EPM2A: variants seen among roughly 807,000 people sequenced by gnomAD.
EPM2A encodes EPM2A glucan phosphatase, laforin.
Under a neutral mutation model 26.5 loss-of-function variants are expected in EPM2A, and 21 were observed. That is an observed-to-expected ratio of 0.79 (90% CI 0.56 to 1.14). EPM2A has a LOEUF of 1.14. EPM2A is among the 50% of genes most tolerant of loss of function. The probability of loss-of-function intolerance (pLI) is 0.00; values close to 1 mark genes in which losing one functional copy is unlikely to be tolerated. For missense variants in EPM2A, 458 were observed against 440.8 expected, an observed-to-expected ratio of 1.04 and a Z score of -0.35; for synonymous variants, 217 against 177.6, an observed-to-expected ratio of 1.22 and a Z score of -1.76.
intron 1 of EPM2A, among the ~76,000 whole-genome samples, chr6:145,707,620 CTT>C (rs1782295934): frequency 6.6e-6 from 1 of 152,148 alleles, no homozygotes; most frequent in African/African-American, 2.4e-5. Context: ...TACATGTTCT[CTT>C]GTCTGCTGTC....
At chr6:145,396,826 G>C (rs887215947) in intron 4 of EPM2A, among the ~76,000 whole-genome samples, 15 of 152,180 alleles carry the variant, frequency 9.9e-5, no homozygotes, top group Admixed American at 6.5e-5. Flanking sequence ...ACAAGTCACA[G>C]CTATGGTGGT....
rs1282776551 is a variant in EPM2A at position 145,636,694 on chromosome 6, C to G, written c.477-1208G>C. On this transcript the variant is annotated intron_variant, in intron 2 of 3. Coordinates refer to ENST00000367519, the MANE Select transcript of EPM2A (RefSeq NM_005670.4). ...AGTCTGGCACTTTGGATGGCTGAGGCGGGGATTGCTTGAGGCCAGAAGTTC... is the reference window on the plus strand; with the variant it reads ...AGTCTGGCACTTTGGATGGCTGAGGGGGGGATTGCTTGAGGCCAGAAGTTC... 4 of 151,928 alleles carry G rather than the reference C, an allele frequency of 2.6e-5. No homozygotes were observed. In the South Asian group the frequency reaches 8.3e-4, roughly 32 times the overall value. 9.4% of individuals were successfully genotyped at this position (151,928 alleles called of 1,614,324 possible).
intron 2 of EPM2A, among the ~76,000 whole-genome samples, chr6:145,538,717 T>G (rs370112): frequency 0.35 from 53,546 of 152,210 alleles, 10,020 homozygotes; most frequent in South Asian, 0.51. Context: ...AAAATTGTTT[T>G]TATGCTAAGA....
At chr6:145,636,916 C>G (rs1260411051) in intron 2 of EPM2A, 1 of 146,024 alleles carries the variant, frequency 6.8e-6, no homozygotes, top group Non-Finnish European at 1.5e-5. Flanking sequence ...GGGGCAAGAA[C>G]CTGTCTGAAA....
At chr6:145,418,948 G>T (rs1778744629) in intron 4 of EPM2A, among the ~76,000 whole-genome samples, 1 of 152,116 alleles carries the variant, frequency 6.6e-6, no homozygotes, top group Admixed American at 6.6e-5. Flanking sequence ...GAAAATCAAA[G>T]AAGTCTAACT....
chr6:145,496,310 T>C (rs761619306), intron 4 of EPM2A, among the ~76,000 whole-genome samples: 100 of 152,204 alleles, frequency 6.6e-4, no homozygotes, highest in Non-Finnish European at 1.2e-3. Context: ...AGTATCTTAC[T>C]GGGAATTTCC....
At chr6:145,656,435 C>T (rs527914565) in intron 2 of EPM2A, among the ~76,000 whole-genome samples, 2 of 152,192 alleles carry the variant, frequency 1.3e-5, no homozygotes, top group Non-Finnish European at 2.9e-5. Context: ...AGCACCTAGA[C>T]CCTAGTGGGC....
At chr6:145,439,560 C>T (rs9403702) in intron 4 of EPM2A, among the ~76,000 whole-genome samples, 98,320 of 152,094 alleles carry the variant, frequency 0.65, 33,513 homozygotes, top group East Asian at 0.86. Context: ...ATTTCTTTAA[C>T]GATCAGTGAT....
intron 2 of EPM2A, chr6:145,636,745 A>G (rs1422685073): frequency 1.3e-5 from 2 of 151,872 alleles, no homozygotes; most frequent in Non-Finnish European, 2.9e-5. Flanking sequence ...AACATGGCAG[A>G]AACCTCGTCT....
At chr6:145,471,391 C>A (rs1418115831) in intron 4 of EPM2A, among the ~76,000 whole-genome samples, 1 of 151,930 alleles carries the variant, frequency 6.6e-6, no homozygotes, top group Non-Finnish European at 1.5e-5. Flanking sequence ...CTGCATCCCT[C>A]ACAAGGACAC....
At chr6:145,491,232 AG>A (rs1252153987) in intron 4 of EPM2A, 1 of 394,496 alleles carries the variant, frequency 2.5e-6, no homozygotes, top group African/African-American at 2.1e-5. Flanking sequence ...ACTGGTGTGC[AG>A]GGGCTGGGGC....
intron 4 of EPM2A, among the ~76,000 whole-genome samples, chr6:145,495,786 G>A (rs1457038227): frequency 4.6e-5 from 7 of 151,984 alleles, no homozygotes; most frequent in East Asian, 1.9e-4. Context: ...CATATTGGCC[G>A]GGTTGGACAG....
intron 4 of EPM2A, among the ~76,000 whole-genome samples, chr6:145,432,884 C>T (rs908907764): frequency 1.4e-4 from 21 of 152,116 alleles, no homozygotes; most frequent in African/African-American, 5.1e-4. Flanking sequence ...TCAGCAATTG[C>T]TTTTTTACCT....
At chr6:145,488,622 T>A (rs1207376227) in intron 4 of EPM2A, among the ~76,000 whole-genome samples, 1 of 152,032 alleles carries the variant, frequency 6.6e-6, no homozygotes, top group Non-Finnish European at 1.5e-5. Context: ...TTTAGCACTC[T>A]TATTTATATG....
chr6:145,490,002 G>T, intron 4 of EPM2A: 2 of 1,362,828 alleles, frequency 1.5e-6, no homozygotes, highest in Non-Finnish European at 2.0e-6. Flanking sequence ...AGCAGATCTG[G>T]ATGGACGTGT....
chr6:145,506,082 T>A (rs185289942), intron 2 of EPM2A, among the ~76,000 whole-genome samples: 87 of 152,322 alleles, frequency 5.7e-4, no homozygotes, highest in African/African-American at 1.9e-3. Context: ...TTACAATTGG[T>A]AATCTACTGT....
Position 145,398,859 on chromosome 6 carries a change from CAA to C in EPM2A, c.556-14764_556-14763del, listed in dbSNP as rs67242355. ...TGGGTGACAGAGTGAGACTCTGTCT[CAA>C]AAAAAAAAAAAAAACCATCAGAGAC... On this transcript the variant is annotated intron_variant, in intron 4 of 4. Coordinates refer to the EPM2A transcript ENST00000638717. Among the ~76,000 whole-genome samples the C allele has an allele frequency of 1.4e-3, 187 of 131,536 alleles. No homozygotes were observed. In the Middle Eastern group the frequency reaches 0.02, roughly 14 times the overall value. 86.3% of individuals were successfully genotyped at this position (131,536 alleles called of 152,430 possible). A position where few individuals can be genotyped will look rare whatever the true frequency, so the allele number is the denominator to read the frequency against.
intron 1 of EPM2A, among the ~76,000 whole-genome samples, chr6:145,700,250 T>C (rs1781836484): frequency 1.3e-5 from 2 of 152,170 alleles, no homozygotes; most frequent in East Asian, 1.9e-4. Flanking sequence ...TATTTTTGTG[T>C]TTAATAAATT....
At chr6:145,678,956 T>A (rs1225778809) in intron 2 of EPM2A, among the ~76,000 whole-genome samples, 1 of 152,168 alleles carries the variant, frequency 6.6e-6, no homozygotes, top group Admixed American at 6.5e-5. Context: ...CACACGTATA[T>A]TTATTGCGGC....
Sources: allele counts gnomAD v4.1 joint callset (sites outside exome capture counted in the v4.1 genomes callset), GRCh38; gene constraint gnomAD v4.1.1; transcripts MANE v1.5; gene names NCBI Gene and HGNC (gene_info 2026-07-23, HGNC 2026-07-21).